The following ZNF621 variants were observed in gnomAD, a reference collection of about 807,000 sequenced individuals.
ZNF621 encodes zinc finger protein 621.
A neutral mutation model predicts 12.7 loss-of-function variants in ZNF621; 6 were observed. That is an observed-to-expected ratio of 0.47 (90% CI 0.26 to 0.93). ZNF621 has a LOEUF of 0.93. ZNF621 is among the 40% of genes least tolerant of loss of function. The probability of loss-of-function intolerance (pLI) is 0.15; values close to 1 mark genes in which losing one functional copy is unlikely to be tolerated. For missense variants in ZNF621, 474 were observed against 524.0 expected (o/e 0.90, Z 0.93); for synonymous variants, 156 against 190.3 (o/e 0.82, Z 1.48).
upstream of ZNF621, among the ~76,000 whole-genome samples, chr3:40,523,315 C>A (rs1009404624): frequency 6.6e-6 from 1 of 152,100 alleles, no homozygotes; most frequent in African/African-American, 2.4e-5. Context: ...AGAAGTGGGA[C>A]CCCTGTAATA....
At position 40,537,264 on chromosome 3, in the gene ZNF621, G is replaced by A. The variant is rs991555194; in HGVS notation, c.*4174G>A. ...GTCAAGTTGTGAATGCAAAAGAAAA[G>A]TTCTTGAAGGAAATGAAAAGTACTT... On this transcript the variant is annotated 3_prime_UTR_variant, in exon 5 of 5. Transcript: ENST00000339296. 1 of 152,190 alleles carries A rather than the reference G, an allele frequency of 6.6e-6. No individual in the cohort carries two copies. Among genetic ancestry groups the A allele is most frequent in the African/African-American group, 2.4e-5 (1 of 41,446 alleles). The allele number at this position is 152,190 out of a possible 1,614,324, so 9.4% of individuals were successfully genotyped here.
chr3:40,529,557 C>T (rs1405822050), intron 3 of ZNF621, 112 bp downstream of exon 3: 3 of 1,587,438 alleles, frequency 1.9e-6, no homozygotes, highest in East Asian at 2.3e-5. Flanking sequence ...TTGCAATCAG[C>T]AGCCTCCAGA....
chr3:40,533,096 A>G lies in ZNF621; in HGVS notation c.*6A>G, dbSNP rs1160999685. ...CTTCTTCTCACTCCTCATGAGCTTT[A>G]TCTTGGCAGTCTTACGGCTCTTATG... On this transcript the variant is annotated 3_prime_UTR_variant, in exon 5 of 5. Coordinates refer to ENST00000339296, the MANE Select transcript of ZNF621 (RefSeq NM_198484.5). 1 of 1,549,704 alleles carries G rather than the reference A, an allele frequency of 6.5e-7. No homozygotes were observed. Among genetic ancestry groups the G allele is most frequent in the Admixed American group, 2.0e-5 (1 of 50,964 alleles).
rs1435662227 is a variant in ZNF621, at chr3:40,533,102, G to T, written c.*12G>T. 1 of 1,549,112 alleles carries T rather than the reference G, an allele frequency of 6.5e-7. No homozygotes were observed. Among genetic ancestry groups the T allele is most frequent in the Non-Finnish European group, 8.7e-7 (1 of 1,145,090 alleles). On this transcript the variant is annotated 3_prime_UTR_variant, in exon 5 of 5. Transcript: ENST00000339296. ...CTCACTCCTCATGAGCTTTATCTTG[G>T]CAGTCTTACGGCTCTTATGCCTAGC... is the stretch of plus-strand genomic sequence containing the variant.
At chr3:40,525,888 T>TTTTG in intron 2 of ZNF621, 24 bp downstream of exon 2, 9 of 1,611,652 alleles carry the variant, frequency 5.6e-6, no homozygotes, top group Non-Finnish European at 7.6e-6. Context: ...CTTTCAGTTT[T>TTTTG]TTTGTTTGTT....
chr3:40,532,031 T>C lies in ZNF621; in HGVS notation c.261T>C (p.Gly87=). The stretch of plus-strand genomic sequence containing the variant: ...AACACTTGTGGTTTCTTTGGTCAGG[T>C]GGTGAGTCCTGGATCAAAAATGAAG... ...DTEILRGISQ[G]GESWIKNEGL... is the part of the protein sequence containing the mutation. Residue 87 remains glycine, a splice_region_variant and synonymous_variant, in exon 5 of 5, where the codon GGT becomes GGC. Transcript: ENST00000339296. The C allele has an allele frequency of 6.2e-7, 1 of 1,600,582 alleles. No individual in the cohort carries two copies. The highest frequency in any genetic ancestry group is 1.1e-5 in the South Asian group (1 of 90,294).
Position 40,533,137 on chromosome 3 carries a change from G to T in ZNF621, c.*47G>T. ...GGCTCTTATGCCTAGCAAATCTCCA[G>T]CCTAATTTTATATATTTTTTTGAGA... On this transcript the variant is annotated 3_prime_UTR_variant, in exon 5 of 5. Transcript: ENST00000339296. 1 of 1,519,116 alleles carries T rather than the reference G, an allele frequency of 6.6e-7. No homozygotes were observed. Among genetic ancestry groups the T allele is most frequent in the Non-Finnish European group, 8.8e-7 (1 of 1,132,074 alleles). The allele number at this position is 1,519,116 out of a possible 1,614,324, so 94.1% of individuals were successfully genotyped here. A position where few individuals can be genotyped will look rare whatever the true frequency, so the allele number is the denominator to read the frequency against.
At position 40,538,300 on chromosome 3, in the gene ZNF621, G is replaced by T. The variant is rs1401274347; in HGVS notation, c.*5210G>T. ...GGCCAAGGCAGGTGGATCAGTTGAGGTCAGGAGTTTGAGACCAGCCTGACC... is the reference window on the plus strand; with the variant it reads ...GGCCAAGGCAGGTGGATCAGTTGAGTTCAGGAGTTTGAGACCAGCCTGACC... On this transcript the variant is annotated 3_prime_UTR_variant, in exon 5 of 5. Coordinates refer to ENST00000339296, the MANE Select transcript of ZNF621 (RefSeq NM_198484.5). The T allele has an allele frequency of 5.5e-6, 2 of 361,816 alleles. No individual in the cohort carries two copies. Among genetic ancestry groups the T allele is most frequent in the East Asian group, 2.2e-4 (2 of 8,982 alleles). 22.4% of individuals were successfully genotyped at this position (361,816 alleles called of 1,614,324 possible). A position where few individuals can be genotyped will look rare whatever the true frequency, so the allele number is the denominator to read the frequency against.
At chr3:40,529,283 C>G (rs1419320620) in intron 2 of ZNF621, 36 bp from the exon 3 acceptor site, 1 of 1,606,654 alleles carries the variant, frequency 6.2e-7, no homozygotes, top group African/African-American at 1.3e-5. Flanking sequence ...CCTTCTACTT[C>G]TCACTCAGAG....
chr3:40,529,277 C>T, intron 2 of ZNF621, 42 bp from the exon 3 acceptor site: 1 of 1,604,030 alleles, frequency 6.2e-7, no homozygotes, highest in Non-Finnish European at 8.5e-7. Flanking sequence ...CTTCTTCCTT[C>T]TACTTCTCAC....
intron 3 of ZNF621, 57 bp from the exon 4 acceptor site, chr3:40,530,152 C>A: frequency 6.8e-7 from 1 of 1,468,220 alleles, no homozygotes. Context: ...TGAGAAAGAT[C>A]CCAGGAATAG....
rs1430651942 is a variant in ZNF621 at position 40,533,284 on chromosome 3, GCACGCCTCAC to G, written c.*201_*210del. ...GACTCTCGAATAGCTGGGATTACAG[GCACGCCTCAC>G]CACGCCCAGCTAATTTCTGTATTTT... On this transcript the variant is annotated 3_prime_UTR_variant, in exon 5 of 5. Transcript: ENST00000339296. 1.1e-5 allele frequency: 10 copies of G among 903,064 alleles called. No homozygotes were observed. Among genetic ancestry groups the G allele is most frequent in the African/African-American group, 1.7e-5 (1 of 59,636 alleles). 55.9% of individuals were successfully genotyped at this position (903,064 alleles called of 1,614,324 possible).
In ZNF621 at chr3:40,532,346, T is replaced by C. The variant is rs760289276; in HGVS notation, c.576T>C (p.Tyr192=). 6.2e-7 allele frequency: 1 copy of C among 1,610,842 alleles called. No individual in the cohort carries two copies. Among genetic ancestry groups the C allele is most frequent in the Non-Finnish European group, 8.5e-7 (1 of 1,179,572 alleles). ...GTGGCAAAGCTTTCAAGTCCAGCTA[T>C]GATTGTATTGTACATGAGAAAAACC... ...KECGKAFKSS[Y]DCIVHEKNHI... Residue 192 remains tyrosine, a synonymous_variant, in exon 5 of 5, where the codon TAT becomes TAC. Transcript: ENST00000339296.
At chr3:40,526,885 C>T (rs760644613) in intron 2 of ZNF621, among the ~76,000 whole-genome samples, 8 of 152,144 alleles carry the variant, frequency 5.3e-5, no homozygotes, top group African/African-American at 9.7e-5. Flanking sequence ...GACGGAGTTT[C>T]GCCTTTGTTG....
upstream of ZNF621, among the ~76,000 whole-genome samples, chr3:40,523,800 A>AACAAAAAAC (rs1553659366): frequency 4.1e-5 from 6 of 147,722 alleles, no homozygotes; most frequent in African/African-American, 1.5e-4. Flanking sequence ...AGCAAAAAAA[A>AACAAAAAAC]AAAAAACAAA....
rs142428942 is a variant in ZNF621, at chr3:40,529,438, T to C, written c.144T>C (p.Ala48=). The change falls in exon 3 of 5, where the codon GCT becomes GCC. Residue 48 remains alanine, a synonymous_variant. Coordinates refer to ENST00000339296, the MANE Select transcript of ZNF621 (RefSeq NM_198484.5). ...TGCTGGAGAATTATGCAAATGTGGC[T>C]TCTCTGGGTAAGGCCTCCCTCTGTG... is the stretch of plus-strand genomic sequence containing the variant. ...EVMLENYANV[A]SLVAFPFPKP... 8.5e-4 allele frequency: 1,379 copies of C among 1,613,092 alleles called. 4 individuals are homozygous for C. Among genetic ancestry groups the C allele is most frequent in the Non-Finnish European group, 1.1e-3 (1,340 of 1,179,358 alleles).
chr3:40,531,875 T>C (rs936321096), intron 4 of ZNF621, among the ~76,000 whole-genome samples, 155 bp from the exon 5 acceptor site: 2 of 152,246 alleles, frequency 1.3e-5, no homozygotes, highest in African/African-American at 4.8e-5. Context: ...GTCATTATTT[T>C]TCTTTGTCTC....
rs1041762020 is a variant in ZNF621, at chr3:40,536,921, A to C, written c.*3831A>C. ...GGTGATTAGTGACTTTTATGTTTCT[A>C]TTGTAATTGTTTTGGGGTGCCACAG... On this transcript the variant is annotated 3_prime_UTR_variant, in exon 5 of 5. Transcript: ENST00000339296. The C allele has an allele frequency of 1.3e-5, 2 of 151,998 alleles. No individual in the cohort carries two copies. The highest frequency in any genetic ancestry group is 2.1e-4 in the South Asian group (1 of 4,828). The allele number at this position is 151,998 out of a possible 1,614,324, so 9.4% of individuals were successfully genotyped here. A position where few individuals can be genotyped will look rare whatever the true frequency, so the allele number is the denominator to read the frequency against.
At position 40,539,412 on chromosome 3, in the gene ZNF621, A is replaced by G. The variant is rs9828141; in HGVS notation, c.*6322A>G. 0.95 allele frequency: 144,320 copies of G among 152,362 alleles called. 68,453 individuals are homozygous for G. Among genetic ancestry groups the G allele is most frequent in the East Asian group, 1 (5,181 of 5,188 alleles). 9.4% of individuals were successfully genotyped at this position (152,362 alleles called of 1,614,324 possible). On this transcript the variant is annotated 3_prime_UTR_variant, in exon 5 of 5. Coordinates refer to ENST00000339296, the MANE Select transcript of ZNF621 (RefSeq NM_198484.5). The stretch of plus-strand genomic sequence containing the variant: ...TCACTGAAGACTTAGATTATCGTTA[A>G]CATCTTTTAGCAATAAAATATTTTT...
Sources: allele counts gnomAD v4.1 joint callset (sites outside exome capture counted in the v4.1 genomes callset), GRCh38; gene constraint gnomAD v4.1.1; transcripts MANE v1.5; gene names NCBI Gene and HGNC (gene_info 2026-07-23, HGNC 2026-07-21).